Variants in FBXL20 observed in about 807,000 individuals in gnomAD.
FBXL20 encodes F-box and leucine rich repeat protein 20, also known as F-box/LRR-repeat protein 20.
In FBXL20, 11 loss-of-function variants were observed where a neutral mutation model predicts 64.0. The ratio of observed to expected loss-of-function variants is 0.17; its 90% CI spans 0.11 to 0.28. FBXL20 has a LOEUF of 0.28. FBXL20 is among the 10% of genes least tolerant of loss of function. The pLI is 1.00. For synonymous variants in FBXL20, 184 were observed against 189.0 expected, an observed-to-expected ratio of 0.97 and a Z score of 0.22; for missense variants, 303 against 526.2, an observed-to-expected ratio of 0.58 and a Z score of 4.15.
At chr17:39,316,470 T>G (rs778642956) in intron 2 of FBXL20, among the ~76,000 whole-genome samples, 6 of 152,070 alleles carry the variant, frequency 3.9e-5, no homozygotes, top group Non-Finnish European at 7.4e-5. Flanking sequence ...AGAGAAAATG[T>G]ACGATGAGCC....
At chr17:39,278,146 A>G (rs1392997716) in intron 9 of FBXL20, among the ~76,000 whole-genome samples, 1 of 152,156 alleles carries the variant, frequency 6.6e-6, no homozygotes, top group East Asian at 1.9e-4. Flanking sequence ...ACAAACACAC[A>G]CACTTGTTTT....
At chr17:39,268,140 T>C (rs185346365) in intron 12 of FBXL20, among the ~76,000 whole-genome samples, 27 of 152,148 alleles carry the variant, frequency 1.8e-4, no homozygotes, top group African/African-American at 6.5e-4. Context: ...TCACCTGAGG[T>C]CAGGAGTTCA....
intron 1 of FBXL20, among the ~76,000 whole-genome samples, chr17:39,397,826 T>TA (rs931345228): frequency 2.2e-3 from 287 of 133,224 alleles, no homozygotes; most frequent in Admixed American, 2.8e-3. Flanking sequence ...CTAGTCATGC[T>TA]AAAAAAAAAA....
At chr17:39,380,553 G>T (rs1049171323) in intron 1 of FBXL20, among the ~76,000 whole-genome samples, 1 of 152,072 alleles carries the variant, frequency 6.6e-6, no homozygotes, top group Non-Finnish European at 1.5e-5. Flanking sequence ...CCTTAATAGT[G>T]AGGTCTCCTT....
intron 2 of FBXL20, among the ~76,000 whole-genome samples, chr17:39,337,747 G>T (rs567248023): frequency 1.3e-5 from 2 of 151,598 alleles, no homozygotes; most frequent in East Asian, 3.9e-4. Flanking sequence ...CGTCTCCGAC[G>T]GGCAGCCACC....
intron 1 of FBXL20, among the ~76,000 whole-genome samples, chr17:39,363,812 A>AAAAAAAAAAAAAC (rs1567896934): frequency 1.2e-4 from 16 of 128,094 alleles, no homozygotes; most frequent in Non-Finnish European, 1.5e-4. Flanking sequence ...CTTTATCTCA[A>AAAAAAAAAAAAAC]AAAAAAAAAA....
chr17:39,351,062 T>C lies in FBXL20; in HGVS notation c.43-7821A>G, dbSNP rs542246362. ...TAGAAAATAATCCTAAAGCCAAGCA[T>C]AGTGGCTCACGCCTGTAATCCCAGC... On this transcript the variant is annotated intron_variant, in intron 1 of 14. Coordinates refer to ENST00000264658, the MANE Select transcript of FBXL20 (RefSeq NM_032875.3). 6.6e-5 allele frequency among the ~76,000 whole-genome samples: 10 copies of C among 152,168 alleles called. 1 individual carries two copies. In the East Asian group the frequency reaches 1.9e-3, roughly 29 times the overall value.
At chr17:39,399,780 G>A (rs1567911736) in intron 1 of FBXL20, among the ~76,000 whole-genome samples, 1 of 151,964 alleles carries the variant, frequency 6.6e-6, no homozygotes, top group Non-Finnish European at 1.5e-5. Context: ...TAAAGTATAA[G>A]ATAATTATAA....
intron 1 of FBXL20, among the ~76,000 whole-genome samples, chr17:39,367,497 G>A (rs993413352): frequency 1.3e-5 from 2 of 148,944 alleles, no homozygotes; most frequent in Non-Finnish European, 3.0e-5. Flanking sequence ...TTATATTTTT[G>A]GTAGAGACAG....
intron 1 of FBXL20, among the ~76,000 whole-genome samples, chr17:39,393,250 T>C (rs1280187718): frequency 6.6e-6 from 1 of 151,800 alleles, no homozygotes. Context: ...GATCGCGCCA[T>C]TGCACTCCAG....
At chr17:39,401,732 G>A, upstream of FBXL20, 1 of 1,107,648 alleles carries the variant, frequency 9.0e-7, no homozygotes, top group Non-Finnish European at 1.1e-6. Flanking sequence ...GAGGGGGAGG[G>A]GCGGGAGGGG....
At chr17:39,279,511 A>AC (rs2046929526) in intron 9 of FBXL20, among the ~76,000 whole-genome samples, 1 of 152,076 alleles carries the variant, frequency 6.6e-6, no homozygotes, top group Non-Finnish European at 1.5e-5. Context: ...AAAAAAAAAA[A>AC]AAAGGAACTT....
At chr17:39,261,811 G>A (rs71369735) in intron 14 of FBXL20, among the ~76,000 whole-genome samples, 1 of 151,978 alleles carries the variant, frequency 6.6e-6, no homozygotes, top group Admixed American at 6.6e-5. Flanking sequence ...GGCCGGGCGC[G>A]GTGGCTCACG....
In FBXL20 at chr17:39,258,674, GC is replaced by G. The variant is rs2046716020; in HGVS notation, c.*2785del. 1 of 152,198 alleles carries G rather than the reference GC, an allele frequency of 6.6e-6. No homozygotes were observed. The highest frequency in any genetic ancestry group is 1.5e-5 in the Non-Finnish European group (1 of 68,038). The allele number at this position is 152,198 out of a possible 1,614,324, so 9.4% of individuals were successfully genotyped here. A position where few individuals can be genotyped will look rare whatever the true frequency, so the allele number is the denominator to read the frequency against. On this transcript the variant is annotated 3_prime_UTR_variant, in exon 15 of 15. Coordinates refer to ENST00000264658, the MANE Select transcript of FBXL20 (RefSeq NM_032875.3). Reference sequence around the variant, plus strand: ...TTTTAAGTAAAGAAGTACCTTAATAGCCTCAACTTAGGCAACTCAAATCCAC... The same window carrying G: ...TTTTAAGTAAAGAAGTACCTTAATAGCTCAACTTAGGCAACTCAAATCCAC...
intron 1 of FBXL20, among the ~76,000 whole-genome samples, chr17:39,389,891 T>C (rs989809515): frequency 6.6e-6 from 1 of 152,148 alleles, no homozygotes; most frequent in African/African-American, 2.4e-5. Context: ...ACTTTCTACA[T>C]ATCAGAGAAG....
At chr17:39,327,207 T>C (rs1052992205) in intron 2 of FBXL20, among the ~76,000 whole-genome samples, 3 of 152,084 alleles carry the variant, frequency 2.0e-5, no homozygotes, top group Non-Finnish European at 2.9e-5. Context: ...TTTAAAAGTG[T>C]TGGGATTATA....
intron 2 of FBXL20, among the ~76,000 whole-genome samples, chr17:39,316,859 G>T (rs1887362956): frequency 6.6e-6 from 1 of 152,198 alleles, no homozygotes; most frequent in South Asian, 2.1e-4. Flanking sequence ...CATGGTGCTG[G>T]GCGCCTGTAA....
At chr17:39,280,313 G>T (rs1234620470) in intron 9 of FBXL20, among the ~76,000 whole-genome samples, 2 of 149,640 alleles carry the variant, frequency 1.3e-5, no homozygotes, top group East Asian at 3.9e-4. Context: ...AGAGGTAGGA[G>T]AATTGTTTGA....
chr17:39,328,887 C>T (rs971721249), intron 2 of FBXL20, among the ~76,000 whole-genome samples: 3 of 152,036 alleles, frequency 2.0e-5, no homozygotes, highest in Non-Finnish European at 4.4e-5. Flanking sequence ...ATCCCTATCT[C>T]TACAAAAAAT....
Sources: gnomAD v4.1 joint callset for allele counts (sites outside exome capture counted in the v4.1 genomes callset) on GRCh38, gnomAD v4.1.1 for gene constraint, MANE v1.5 for transcripts, NCBI Gene and HGNC (gene_info 2026-07-23, HGNC 2026-07-21) for gene names.